KIF6: variants seen among roughly 807,000 people sequenced by gnomAD.
KIF6 encodes kinesin family member 6.
Under a neutral mutation model 112.7 loss-of-function variants are expected in KIF6, and 106 were observed. The ratio of observed to expected loss-of-function variants is 0.94; its 90% CI spans 0.80 to 1.11. The LOEUF (loss-of-function observed/expected upper bound fraction) is 1.11, where lower values mean the gene tolerates loss of function less well. KIF6 is among the 50% of genes least tolerant of loss of function. The pLI is 0.00. For missense variants in KIF6, 929 were observed against 964.0 expected (o/e 0.96, Z 0.48); for synonymous variants, 339 against 339.9 (o/e 1.00, Z 0.03).
At chr6:39,674,166 T>A (rs1442290876) in intron 3 of KIF6, among the ~76,000 whole-genome samples, 1 of 152,202 alleles carries the variant, frequency 6.6e-6, no homozygotes, top group African/African-American at 2.4e-5. Context: ...ACATATATTT[T>A]AGGATTTTAA....
At position 39,423,554 on chromosome 6, in the gene KIF6, C is replaced by T. The variant is rs77875851; in HGVS notation, c.1755-3551G>A. On this transcript the variant is annotated intron_variant, in intron 14 of 22. Transcript: ENST00000287152. ...CATCTCTCAAATCTCCACCTCAGCC[C>T]TGCTTTAGTTCCTGACTCAGGTATC... Among the ~76,000 whole-genome samples the T allele has an allele frequency of 4.9e-4, 75 of 151,864 alleles. No individual in the cohort carries two copies. The South Asian group carries it at 8.4e-3, about 17-fold the overall frequency.
At chr6:39,566,742 A>G (rs918856081) in intron 10 of KIF6, among the ~76,000 whole-genome samples, 1 of 152,242 alleles carries the variant, frequency 6.6e-6, no homozygotes, top group African/African-American at 2.4e-5. Context: ...TGCACAATAA[A>G]TTGGTATATG....
At chr6:39,598,427 G>A (rs9367021) in intron 6 of KIF6, among the ~76,000 whole-genome samples, 80,994 of 151,928 alleles carry the variant, frequency 0.53, 23,823 homozygotes, top group African/African-American at 0.79. Context: ...GGGAAATTTT[G>A]TGTACTGCTT....
intron 13 of KIF6, among the ~76,000 whole-genome samples, chr6:39,533,782 T>G (rs939126043): frequency 6.6e-5 from 10 of 152,110 alleles, no homozygotes; most frequent in Non-Finnish European, 1.5e-4. Flanking sequence ...GACCCCTGAC[T>G]CCCGAGCAGC....
chr6:39,574,839 T>G (rs1780847159), intron 10 of KIF6, among the ~76,000 whole-genome samples: 1 of 152,202 alleles, frequency 6.6e-6, no homozygotes, highest in African/African-American at 2.4e-5. Flanking sequence ...CTCTTTATCC[T>G]TTTATCTCAT....
intron 13 of KIF6, among the ~76,000 whole-genome samples, chr6:39,509,928 GTCA>G (rs1776667388): frequency 6.6e-6 from 1 of 152,054 alleles, no homozygotes; most frequent in Non-Finnish European, 1.5e-5. Context: ...ACATATAATT[GTCA>G]GATTCACCAA....
intron 10 of KIF6, among the ~76,000 whole-genome samples, chr6:39,563,503 A>T (rs190696770): frequency 6.6e-6 from 1 of 152,212 alleles, no homozygotes; most frequent in African/African-American, 2.4e-5. Flanking sequence ...TGTAGATAAT[A>T]TATGCATATT....
At chr6:39,638,556 T>C (rs1431242516) in intron 4 of KIF6, among the ~76,000 whole-genome samples, 2 of 152,146 alleles carry the variant, frequency 1.3e-5, no homozygotes, top group African/African-American at 4.8e-5. Flanking sequence ...CTGGCATGTT[T>C]GAGCTAGAGA....
At chr6:39,491,933 A>C (rs1034826876) in intron 13 of KIF6, among the ~76,000 whole-genome samples, 9 of 152,198 alleles carry the variant, frequency 5.9e-5, no homozygotes, top group African/African-American at 2.2e-4. Context: ...CCTATATTAA[A>C]ACGAGAGAAA....
chr6:39,676,909 A>G (rs1049176182), intron 3 of KIF6, among the ~76,000 whole-genome samples: 1 of 152,148 alleles, frequency 6.6e-6, no homozygotes, highest in African/African-American at 2.4e-5. Flanking sequence ...ATGTTGGCAA[A>G]CCACTAAATC....
intron 10 of KIF6, among the ~76,000 whole-genome samples, chr6:39,559,114 G>C (rs1779878713): frequency 6.6e-6 from 1 of 152,134 alleles, no homozygotes; most frequent in Non-Finnish European, 1.5e-5. Flanking sequence ...TTTCATGAAT[G>C]ATTTTAGAGA....
intron 13 of KIF6, 27 bp downstream of exon 13, chr6:39,539,976 G>T: frequency 6.5e-7 from 1 of 1,538,830 alleles, no homozygotes; most frequent in Non-Finnish European, 8.8e-7. Context: ...CAGACAATGA[G>T]AAATACTGGA....
intron 15 of KIF6, among the ~76,000 whole-genome samples, chr6:39,417,077 A>G (rs1377856028): frequency 6.6e-6 from 1 of 152,156 alleles, no homozygotes; most frequent in African/African-American, 2.4e-5. Flanking sequence ...TTTCTCCCTA[A>G]GAAAAATGCA....
chr6:39,361,229 A>AG (rs1335336847), intron 17 of KIF6, among the ~76,000 whole-genome samples: 2 of 152,160 alleles, frequency 1.3e-5, no homozygotes, highest in Non-Finnish European at 2.9e-5. Context: ...ATGTGGGCCA[A>AG]GGGGACAAGA....
chr6:39,551,764 T>C (rs140114970), intron 10 of KIF6, among the ~76,000 whole-genome samples: 14 of 152,298 alleles, frequency 9.2e-5, no homozygotes, highest in African/African-American at 3.4e-4. Flanking sequence ...TGTGGTAGCA[T>C]AAGAAATATG....
At chr6:39,539,286 C>A (rs1334329393) in intron 13 of KIF6, among the ~76,000 whole-genome samples, 1 of 151,438 alleles carries the variant, frequency 6.6e-6, no homozygotes, top group Admixed American at 6.6e-5. Flanking sequence ...CCCAACCCTG[C>A]CAAATGCTAT....
intron 13 of KIF6, among the ~76,000 whole-genome samples, chr6:39,501,148 C>A (rs1440267969): frequency 6.6e-6 from 1 of 152,030 alleles, no homozygotes; most frequent in Non-Finnish European, 1.5e-5. Flanking sequence ...CCACCCCTAG[C>A]CAAAGGAAGC....
intron 10 of KIF6, chr6:39,553,881 A>G (rs1490046142): frequency 1.3e-5 from 2 of 153,554 alleles, no homozygotes; most frequent in Non-Finnish European, 2.9e-5. Context: ...GAAGTATTTG[A>G]GACTCTCACC....
At chr6:39,341,307 C>T (rs1251428677) in intron 22 of KIF6, among the ~76,000 whole-genome samples, 1 of 152,112 alleles carries the variant, frequency 6.6e-6, no homozygotes, top group Non-Finnish European at 1.5e-5. Flanking sequence ...CTCTACTGGC[C>T]CGTCTCCCCT....
Sources: gnomAD v4.1 joint callset for allele counts (sites outside exome capture counted in the v4.1 genomes callset) on GRCh38, gnomAD v4.1.1 for gene constraint, MANE v1.5 for transcripts, NCBI Gene and HGNC (gene_info 2026-07-23, HGNC 2026-07-21) for gene names.